Variants in ASIC2 observed in about 807,000 individuals in gnomAD.
ASIC2 encodes acid sensing ion channel subunit 2.
A neutral mutation model predicts 57.3 loss-of-function variants in ASIC2; 25 were observed. That is an observed-to-expected ratio of 0.44 (90% CI 0.32 to 0.61). The LOEUF (loss-of-function observed/expected upper bound fraction) is 0.61, where lower values mean the gene tolerates loss of function less well. Among genes scored for constraint, ASIC2 ranks in the 20% least tolerant of loss-of-function variants. ASIC2 has a pLI of 0.06. For synonymous variants in ASIC2, 319 were observed against 307.5 expected, an observed-to-expected ratio of 1.04 and a Z score of -0.39; for missense variants, 641 against 738.1, an observed-to-expected ratio of 0.87 and a Z score of 1.52.
chr17:33,644,466 G>A (rs1450205247), intron 1 of ASIC2, among the ~76,000 whole-genome samples: 1 of 152,102 alleles, frequency 6.6e-6, no homozygotes, highest in Non-Finnish European at 1.5e-5. Context: ...TGTTTCATTA[G>A]CATTTCTTCA....
intron 1 of ASIC2, among the ~76,000 whole-genome samples, chr17:33,801,269 G>A (rs1306220247): frequency 2.0e-5 from 3 of 152,178 alleles, no homozygotes; most frequent in African/African-American, 7.2e-5. Context: ...TCGCCATCAA[G>A]TGAGAAAACA....
At chr17:33,374,073 G>GAT (rs1909187306) in intron 1 of ASIC2, among the ~76,000 whole-genome samples, 1 of 152,132 alleles carries the variant, frequency 6.6e-6, no homozygotes, top group Non-Finnish European at 1.5e-5. Context: ...TTGGCTCGCT[G>GAT]CAACCACCAC....
intron 1 of ASIC2, among the ~76,000 whole-genome samples, chr17:33,907,411 G>A (rs1255053185): frequency 1.3e-5 from 2 of 152,180 alleles, no homozygotes; most frequent in African/African-American, 4.8e-5. Flanking sequence ...CCTTGCAATT[G>A]CCATCAATGG....
chr17:33,033,174 T>G (rs1278092187), intron 3 of ASIC2, among the ~76,000 whole-genome samples: 3 of 152,180 alleles, frequency 2.0e-5, no homozygotes, highest in Admixed American at 2.0e-4. Flanking sequence ...GTAGAGCCAG[T>G]GGGAACCCTG....
chr17:34,155,950 CAG>C lies in ASIC2; in HGVS notation c.555+26_555+27del, dbSNP rs780769356. 2.5e-6 allele frequency: 4 copies of C among 1,576,364 alleles called. No individual in the cohort carries two copies. In the African/African-American group the frequency reaches 5.4e-5, roughly 21 times the overall value. On this transcript the variant is annotated intron_variant, in intron 1 of 9. Coordinates refer to the ASIC2 transcript ENST00000359872. ...CGCACCACTTCTCCAGAGGACCAGACAGAGTGAGCTGAAAACCAAGTACTCAC... is the reference window on the plus strand; with the variant it reads ...CGCACCACTTCTCCAGAGGACCAGACAGTGAGCTGAAAACCAAGTACTCAC...
At chr17:34,079,479 C>A (rs1567812379) in intron 1 of ASIC2, among the ~76,000 whole-genome samples, 1 of 152,162 alleles carries the variant, frequency 6.6e-6, no homozygotes, top group Non-Finnish European at 1.5e-5. Context: ...CCAGGTAGAC[C>A]AGGTACCTCA....
intron 1 of ASIC2, among the ~76,000 whole-genome samples, chr17:33,681,826 C>A (rs1219033875): frequency 6.6e-6 from 1 of 152,116 alleles, no homozygotes; most frequent in Non-Finnish European, 1.5e-5. Flanking sequence ...GTCCTCTGTC[C>A]CCTACTAGAA....
intron 1 of ASIC2, among the ~76,000 whole-genome samples, chr17:33,561,108 A>G (rs968089672): frequency 2.6e-5 from 4 of 152,160 alleles, no homozygotes; most frequent in Admixed American, 2.6e-4. Flanking sequence ...CGTTATGACG[A>G]AAAGGGAGAT....
chr17:33,133,157 C>T (rs2092354071), intron 1 of ASIC2, among the ~76,000 whole-genome samples: 1 of 152,154 alleles, frequency 6.6e-6, no homozygotes, highest in Non-Finnish European at 1.5e-5. Flanking sequence ...TCAGAAAAGG[C>T]TCATGGAAGA....
intron 1 of ASIC2, among the ~76,000 whole-genome samples, chr17:33,831,872 T>C (rs545311097): frequency 1.2e-4 from 19 of 152,320 alleles, no homozygotes; most frequent in Non-Finnish European, 2.5e-4. Context: ...CAAGACTCCC[T>C]GTTCTGTTGA....
At chr17:33,511,070 C>T (rs1914416889) in intron 1 of ASIC2, among the ~76,000 whole-genome samples, 1 of 152,162 alleles carries the variant, frequency 6.6e-6, no homozygotes. Context: ...AGCTACTGCA[C>T]CCTTTTGGAG....
chr17:33,696,226 TA>T (rs11301000), intron 1 of ASIC2, among the ~76,000 whole-genome samples: 40,625 of 151,982 alleles, frequency 0.27, 5,530 homozygotes, highest in African/African-American at 0.3. Context: ...TAAACACAAC[TA>T]AATAGCGCTG....
At chr17:33,965,429 C>G (rs554655883) in intron 1 of ASIC2, among the ~76,000 whole-genome samples, 17 of 152,190 alleles carry the variant, frequency 1.1e-4, no homozygotes, top group African/African-American at 3.9e-4. Flanking sequence ...GTAAGCCAGC[C>G]TCCTGAATAA....
At chr17:33,441,251 T>A (rs535606778) in intron 1 of ASIC2, among the ~76,000 whole-genome samples, 1 of 152,336 alleles carries the variant, frequency 6.6e-6, no homozygotes, top group African/African-American at 2.4e-5. Flanking sequence ...ATTACAGGAA[T>A]GAGCCACTGC....
chr17:33,876,205 G>A (rs1914543392), intron 1 of ASIC2, among the ~76,000 whole-genome samples: 1 of 152,058 alleles, frequency 6.6e-6, no homozygotes, highest in African/African-American at 2.4e-5. Context: ...AACACCATAG[G>A]GACACAGTGA....
intron 1 of ASIC2, among the ~76,000 whole-genome samples, chr17:33,520,715 G>A (rs1347533305): frequency 1.3e-5 from 2 of 152,256 alleles, no homozygotes; most frequent in Non-Finnish European, 2.9e-5. Flanking sequence ...CGGCCCCAAA[G>A]CTTAAAACTT....
At chr17:33,790,976 T>C (rs1191739903) in intron 1 of ASIC2, among the ~76,000 whole-genome samples, 1 of 152,128 alleles carries the variant, frequency 6.6e-6, no homozygotes, top group Non-Finnish European at 1.5e-5. Flanking sequence ...GAGCAAGTGA[T>C]CATATAGCCA....
chr17:33,087,724 AAT>A (rs1491101590), intron 3 of ASIC2, among the ~76,000 whole-genome samples: 2 of 143,168 alleles, frequency 1.4e-5, no homozygotes, highest in African/African-American at 5.6e-5. Flanking sequence ...TACCATGCCT[AAT>A]TTTTTTTTTT....
chr17:33,814,369 G>C (rs1419528065), intron 1 of ASIC2, among the ~76,000 whole-genome samples: 1 of 152,236 alleles, frequency 6.6e-6, no homozygotes, highest in Non-Finnish European at 1.5e-5. Context: ...GTATGTGTCT[G>C]TGATGTGGGA....
Sources: gnomAD v4.1 joint callset for allele counts (sites outside exome capture counted in the v4.1 genomes callset) on GRCh38, gnomAD v4.1.1 for gene constraint, MANE v1.5 for transcripts, NCBI Gene and HGNC (gene_info 2026-07-23, HGNC 2026-07-21) for gene names.